The following WWOX variants were observed in gnomAD, a reference collection of about 807,000 sequenced individuals.
WWOX encodes the protein WW domain-containing oxidoreductase.
WWOX carries 69 observed loss-of-function variants against 46.2 expected under a neutral mutation model. The observed-to-expected ratio is 1.49, with a 90% confidence interval of 1.23 to 1.82. WWOX has a LOEUF of 1.82. Among genes scored for constraint, WWOX ranks in the 40% most tolerant of loss-of-function variants. The pLI is 0.00. For synonymous variants in WWOX, 359 were observed against 202.6 expected (o/e 1.77, Z -6.56); for missense variants, 919 against 542.6 (o/e 1.69, Z -6.89).
At chr16:78,358,680 G>GCA (rs2081347653) in intron 5 of WWOX, among the ~76,000 whole-genome samples, 1 of 151,160 alleles carries the variant, frequency 6.6e-6, no homozygotes, top group Non-Finnish European at 1.5e-5. Context: ...ATATGTGTGT[G>GCA]TGTGTGTGTG....
At chr16:78,164,569 T>C (rs1468399144) in intron 5 of WWOX, among the ~76,000 whole-genome samples, 2 of 152,198 alleles carry the variant, frequency 1.3e-5, no homozygotes, top group Non-Finnish European at 2.9e-5. Flanking sequence ...AAATAAAACG[T>C]GGTGAACGCC....
chr16:78,734,066 A>G (rs986233489), intron 8 of WWOX, among the ~76,000 whole-genome samples: 11 of 152,048 alleles, frequency 7.2e-5, no homozygotes, highest in African/African-American at 2.7e-4. Flanking sequence ...TCTGGAAAAA[A>G]AAAAACACAA....
At chr16:78,824,118 C>T (rs1001328203) in intron 8 of WWOX, among the ~76,000 whole-genome samples, 3 of 151,912 alleles carry the variant, frequency 2.0e-5, no homozygotes, top group Admixed American at 1.3e-4. Flanking sequence ...TGATTGAAAC[C>T]TTGAAATAAA....
At chr16:78,616,187 C>G (rs2151636966) in intron 8 of WWOX, among the ~76,000 whole-genome samples, 1 of 151,954 alleles carries the variant, frequency 6.6e-6, no homozygotes, top group Middle Eastern at 3.4e-3. Context: ...TATGCATTCC[C>G]ACGGCCACAC....
rs952025951 is a variant in WWOX, at chr16:78,432,668, A to C, written c.972A>C (p.Gly324=). ...RGVTSNAVHP[G]NMMYSNIHRS... ...TCACGTCGAACGCAGTGCATCCTGG[A>C]AATATGATGTACTCCAACATTCATC... The change falls in exon 8 of 9, where the codon GGA becomes GGC. Residue 324 remains glycine, a synonymous_variant. Coordinates refer to ENST00000566780, the MANE Select transcript of WWOX (RefSeq NM_016373.4). 3 of 1,614,172 alleles carry C rather than the reference A, an allele frequency of 1.9e-6. No individual in the cohort carries two copies. Among genetic ancestry groups the C allele is most frequent in the Non-Finnish European group, 2.5e-6 (3 of 1,180,030 alleles).
chr16:78,969,199 C>A (rs976629300), intron 8 of WWOX, among the ~76,000 whole-genome samples: 1 of 151,812 alleles, frequency 6.6e-6, no homozygotes, highest in Non-Finnish European at 1.5e-5. Context: ...TAGCATGCTC[C>A]TTTGCTACCT....
At chr16:78,567,100 G>A (rs181000859) in intron 8 of WWOX, among the ~76,000 whole-genome samples, 1 of 152,282 alleles carries the variant, frequency 6.6e-6, no homozygotes, top group African/African-American at 2.4e-5. Flanking sequence ...ATCAGAAGAA[G>A]AAACTGAGGT....
At chr16:79,151,484 C>T (rs560879661) in intron 8 of WWOX, among the ~76,000 whole-genome samples, 4 of 152,334 alleles carry the variant, frequency 2.6e-5, no homozygotes, top group African/African-American at 9.6e-5. Context: ...AGGGAGAGGA[C>T]AGTAACCAAT....
Position 78,716,818 on chromosome 16 carries a change from G to C in WWOX, c.1056+284066G>C, listed in dbSNP as rs182872038. ...CCAGCATTGTCTTGGTCCATAGCCT[G>C]AGCTTACCCTCCCTACGCAACCACA... On this transcript the variant is annotated intron_variant, in intron 8 of 8. Transcript: ENST00000566780. 4.6e-5 allele frequency among the ~76,000 whole-genome samples: 7 copies of C among 152,282 alleles called. No homozygotes were observed. The East Asian group carries it at 1.4e-3, about 29-fold the overall frequency.
chr16:78,726,356 G>C (rs1387695482), intron 8 of WWOX, among the ~76,000 whole-genome samples: 1 of 151,896 alleles, frequency 6.6e-6, no homozygotes, highest in Non-Finnish European at 1.5e-5. Flanking sequence ...CTCCCGGGTA[G>C]CTGGGACCAC....
chr16:78,675,753 T>C (rs2251009), intron 8 of WWOX, among the ~76,000 whole-genome samples: 117,366 of 152,114 alleles, frequency 0.77, 45,411 homozygotes, highest in South Asian at 0.82. Context: ...ACAGAAGGAT[T>C]GCTTGAGGCC....
rs541715419 is a variant in WWOX, at chr16:78,471,200, A to G, written c.1056+38448A>G. On this transcript the variant is annotated intron_variant, in intron 8 of 8. Coordinates refer to ENST00000566780, the MANE Select transcript of WWOX (RefSeq NM_016373.4). ...ACTGACCAATGTTGGCAACTACAAG[A>G]CAATCAGGCGTGATTCTTCATCCAG... 2.6e-5 allele frequency among the ~76,000 whole-genome samples: 4 copies of G among 152,278 alleles called. No individual in the cohort carries two copies. The South Asian group carries it at 8.3e-4, about 32-fold the overall frequency.
intron 5 of WWOX, among the ~76,000 whole-genome samples, chr16:78,238,683 G>A (rs192422418): frequency 8.9e-4 from 136 of 152,068 alleles, no homozygotes; most frequent in Middle Eastern, 3.4e-3. Flanking sequence ...GCAGTGGTGT[G>A]ATCTTGGCTC....
At chr16:78,369,060 CCTTTT>C (rs2081604369) in intron 5 of WWOX, among the ~76,000 whole-genome samples, 1 of 149,772 alleles carries the variant, frequency 6.7e-6, no homozygotes. Flanking sequence ...TTTTTCTTTC[CCTTTT>C]TTTTTTAACT....
chr16:78,307,152 C>T (rs537381422), intron 5 of WWOX, among the ~76,000 whole-genome samples: 2 of 152,170 alleles, frequency 1.3e-5, no homozygotes, highest in Non-Finnish European at 2.9e-5. Context: ...AGAACTTAAG[C>T]AGCATCTGTT....
intron 8 of WWOX, among the ~76,000 whole-genome samples, chr16:78,764,127 A>G (rs1007981733): frequency 2.0e-5 from 3 of 152,136 alleles, no homozygotes; most frequent in Non-Finnish European, 4.4e-5. Context: ...TCGTGTCACC[A>G]CTTTTGCCGA....
chr16:78,385,850 C>A (rs994184387), intron 5 of WWOX, among the ~76,000 whole-genome samples: 2 of 152,104 alleles, frequency 1.3e-5, no homozygotes, highest in African/African-American at 2.4e-5. Flanking sequence ...GGTTTTTTGT[C>A]CTTTCAAGGA....
At chr16:78,934,185 G>T (rs925161434) in intron 8 of WWOX, among the ~76,000 whole-genome samples, 1 of 151,210 alleles carries the variant, frequency 6.6e-6, no homozygotes, top group Admixed American at 6.6e-5. Flanking sequence ...AATAGAAAAA[G>T]AAATTAGCCT....
intron 8 of WWOX, among the ~76,000 whole-genome samples, chr16:78,505,748 C>T (rs1448674876): frequency 6.6e-6 from 1 of 152,180 alleles, no homozygotes; most frequent in African/African-American, 2.4e-5. Flanking sequence ...CTGGAAGAAA[C>T]CCCAAGCATT....
Sources: gnomAD v4.1 joint callset for allele counts (sites outside exome capture counted in the v4.1 genomes callset) on GRCh38, gnomAD v4.1.1 for gene constraint, MANE v1.5 for transcripts, NCBI Gene and HGNC (gene_info 2026-07-23, HGNC 2026-07-21) for gene names.